Variants in GPC6 observed in about 807,000 individuals in gnomAD.
GPC6 encodes glypican-6.
Under a neutral mutation model 55.2 loss-of-function variants are expected in GPC6, and 14 were observed. That is an observed-to-expected ratio of 0.25 (90% CI 0.17 to 0.40). The LOEUF is 0.40. Among genes scored for constraint, GPC6 ranks in the 10% least tolerant of loss-of-function variants. The pLI, the probability that GPC6 is intolerant of heterozygous loss-of-function variation, is 1.00. For missense variants in GPC6, 641 were observed against 708.5 expected (o/e 0.90, Z 1.08); for synonymous variants, 278 against 259.6 (o/e 1.07, Z -0.68).
At chr13:93,673,499 G>GTA (rs960755601) in intron 2 of GPC6, among the ~76,000 whole-genome samples, 5 of 151,950 alleles carry the variant, frequency 3.3e-5, no homozygotes, top group East Asian at 3.9e-4. Flanking sequence ...GACGACAAGA[G>GTA]TATATATATA....
intron 4 of GPC6, among the ~76,000 whole-genome samples, chr13:94,109,424 A>G (rs1886163536): frequency 6.6e-6 from 1 of 151,298 alleles, no homozygotes; most frequent in South Asian, 2.1e-4. Context: ...ATATTTCTTA[A>G]GACAGAAACT....
upstream of GPC6, among the ~76,000 whole-genome samples, chr13:93,224,143 C>T (rs1173144699): frequency 2.0e-5 from 3 of 151,550 alleles, no homozygotes; most frequent in Non-Finnish European, 2.9e-5. Flanking sequence ...CGTGATCTGC[C>T]CGCCTCGGCC....
At chr13:93,651,014 A>G (rs933886789) in intron 2 of GPC6, among the ~76,000 whole-genome samples, 15 of 152,200 alleles carry the variant, frequency 9.9e-5, no homozygotes, top group African/African-American at 3.6e-4. Context: ...AAACCAAAGA[A>G]GCCCACAAGT....
chr13:93,399,047 T>TACACACACAC (rs960083642), intron 1 of GPC6, among the ~76,000 whole-genome samples: 1 of 98,344 alleles, frequency 1.0e-5, no homozygotes, highest in Non-Finnish European at 2.4e-5. Flanking sequence ...ATCTCTCTCC[T>TACACACACAC]ACACACACAC....
intron 4 of GPC6, among the ~76,000 whole-genome samples, chr13:94,122,121 G>T (rs544269540): frequency 1.3e-5 from 2 of 152,058 alleles, no homozygotes; most frequent in South Asian, 4.2e-4. Flanking sequence ...CTTCTTGCAG[G>T]ATTATTATAT....
chr13:93,613,775 T>C (rs1878594903), intron 2 of GPC6, among the ~76,000 whole-genome samples: 1 of 152,178 alleles, frequency 6.6e-6, no homozygotes, highest in African/African-American at 2.4e-5. Flanking sequence ...TACCAATTCA[T>C]TTCCAGGCCT....
At chr13:94,063,350 A>T (rs1884401140) in intron 4 of GPC6, among the ~76,000 whole-genome samples, 1 of 152,152 alleles carries the variant, frequency 6.6e-6, no homozygotes, top group African/African-American at 2.4e-5. Flanking sequence ...AAGTATTTGG[A>T]TGTTGCTGCA....
At chr13:93,338,164 G>A (rs1318937072) in intron 1 of GPC6, among the ~76,000 whole-genome samples, 3 of 152,082 alleles carry the variant, frequency 2.0e-5, no homozygotes, top group Admixed American at 6.6e-5. Context: ...GTAACAAAAC[G>A]AGTGATTTCC....
intron 1 of GPC6, among the ~76,000 whole-genome samples, chr13:93,372,095 C>T (rs1199104385): frequency 6.6e-6 from 1 of 152,150 alleles, no homozygotes; most frequent in Non-Finnish European, 1.5e-5. Context: ...ACTTTGCTTT[C>T]ATTAATTCAT....
chr13:94,182,181 T>A (rs539613225), intron 4 of GPC6, among the ~76,000 whole-genome samples: 1 of 151,862 alleles, frequency 6.6e-6, no homozygotes, highest in South Asian at 2.1e-4. Flanking sequence ...AGGGATACAG[T>A]GGAGTAACTT....
intron 2 of GPC6, among the ~76,000 whole-genome samples, chr13:93,661,403 A>C (rs1338118627): frequency 6.6e-6 from 1 of 152,008 alleles, no homozygotes; most frequent in Non-Finnish European, 1.5e-5. Context: ...TAGTACAGAC[A>C]GGTATTCACC....
chr13:93,719,731 A>C (rs1883383729), intron 2 of GPC6, among the ~76,000 whole-genome samples: 1 of 152,058 alleles, frequency 6.6e-6, no homozygotes, highest in South Asian at 2.1e-4. Context: ...TGTCATAAAT[A>C]GCTCTTATTA....
chr13:94,275,475 G>A (rs914875033), intron 4 of GPC6, among the ~76,000 whole-genome samples: 2 of 152,122 alleles, frequency 1.3e-5, no homozygotes, highest in African/African-American at 4.8e-5. Context: ...GCCAGTGAGT[G>A]AAAATATAAA....
intron 2 of GPC6, among the ~76,000 whole-genome samples, chr13:93,798,141 G>A (rs1035888688): frequency 2.0e-5 from 3 of 152,148 alleles, no homozygotes; most frequent in Admixed American, 6.5e-5. Flanking sequence ...TAATGGCAAG[G>A]TCTAGGGTGT....
chr13:93,748,106 C>T (rs1345158770), intron 2 of GPC6, among the ~76,000 whole-genome samples: 1 of 152,142 alleles, frequency 6.6e-6, no homozygotes, highest in Non-Finnish European at 1.5e-5. Context: ...CTGCTTTAAT[C>T]GAATGTAGTG....
chr13:93,314,877 A>G (rs9561306), intron 1 of GPC6, among the ~76,000 whole-genome samples: 33,239 of 151,982 alleles, frequency 0.22, 3,678 homozygotes, highest in East Asian at 0.3. Context: ...TAGGCTGATA[A>G]GTTGTGCTTT....
At chr13:93,225,883 CTAT>C (rs1172662395), upstream of GPC6, among the ~76,000 whole-genome samples, 5 of 152,040 alleles carry the variant, frequency 3.3e-5, no homozygotes, top group African/African-American at 1.2e-4. Flanking sequence ...TGAATAAACA[CTAT>C]TATTATTATT....
intron 2 of GPC6, among the ~76,000 whole-genome samples, chr13:93,630,309 G>T (rs1210647280): frequency 2.0e-5 from 3 of 152,180 alleles, no homozygotes; most frequent in African/African-American, 7.2e-5. Flanking sequence ...GGTGAAGACT[G>T]CAGTGCTGCT....
chr13:94,372,415 C>A (rs898049416), intron 6 of GPC6, among the ~76,000 whole-genome samples: 12 of 152,212 alleles, frequency 7.9e-5, no homozygotes, highest in Non-Finnish European at 1.3e-4. Context: ...CGCAAGGGGT[C>A]AGGGAGTTCC....
Sources: allele counts gnomAD v4.1 joint callset (sites outside exome capture counted in the v4.1 genomes callset), GRCh38; gene constraint gnomAD v4.1.1; transcripts MANE v1.5; gene names NCBI Gene and HGNC (gene_info 2026-07-23, HGNC 2026-07-21).